RBFOX1: variants seen among roughly 807,000 people sequenced by gnomAD.
The protein encoded by RBFOX1 is RNA binding fox-1 homolog 1, also known as RNA binding protein fox-1 homolog 1.
Under a neutral mutation model 57.7 loss-of-function variants are expected in RBFOX1, and 8 were observed. The observed-to-expected ratio is 0.14, with a 90% CI of 0.08 to 0.25. The LOEUF (loss-of-function observed/expected upper bound fraction) is 0.25, where lower values mean the gene tolerates loss of function less well. Among genes scored for constraint, RBFOX1 ranks in the 10% least tolerant of loss-of-function variants. RBFOX1 has a pLI of 1.00. For synonymous variants in RBFOX1, 326 were observed against 222.4 expected (o/e 1.47, Z -4.15); for missense variants, 611 against 548.5 (o/e 1.11, Z -1.14).
chr16:5,376,248 C>T (rs1235133325), intron 1 of RBFOX1, among the ~76,000 whole-genome samples: 2 of 151,982 alleles, frequency 1.3e-5, no homozygotes, highest in Non-Finnish European at 2.9e-5. Flanking sequence ...GGAGCCCAGA[C>T]GGTGCATTCT....
chr16:7,556,116 T>C (rs2152596576), intron 5 of RBFOX1, among the ~76,000 whole-genome samples: 1 of 152,370 alleles, frequency 6.6e-6, no homozygotes, highest in East Asian at 1.9e-4. Flanking sequence ...GTAAACACTC[T>C]AAATTTTCTA....
intron 3 of RBFOX1, among the ~76,000 whole-genome samples, chr16:5,816,832 T>C (rs2055658900): frequency 6.6e-6 from 1 of 152,190 alleles, no homozygotes; most frequent in Admixed American, 6.5e-5. Context: ...GATGCTATTC[T>C]GTCCTCTCTG....
intron 1 of RBFOX1, among the ~76,000 whole-genome samples, chr16:5,424,434 G>A (rs761090027): frequency 6.6e-6 from 1 of 151,984 alleles, no homozygotes; most frequent in Admixed American, 6.5e-5. Flanking sequence ...CCGTTAGTCT[G>A]TAAAATGGAC....
At position 6,295,639 on chromosome 16, in the gene RBFOX1, G is replaced by C. The variant is rs570218855; in HGVS notation, c.-126-21356G>C. Among the ~76,000 whole-genome samples, 6 of 152,286 alleles carry C rather than the reference G, an allele frequency of 3.9e-5. No individual in the cohort carries two copies. In the South Asian group the frequency reaches 1.2e-3, roughly 32 times the overall value. On this transcript the variant is annotated intron_variant, in intron 1 of 15. Transcript: ENST00000550418. ...CAGAGCGCTGTCTGTGTTTATGAGC[G>C]GTCTCATTTCACACATGTCCAATGA...
At chr16:7,430,336 T>A (rs1318853259) in intron 4 of RBFOX1, among the ~76,000 whole-genome samples, 1 of 152,176 alleles carries the variant, frequency 6.6e-6, no homozygotes, top group Non-Finnish European at 1.5e-5. Flanking sequence ...CTGATAATAT[T>A]TTGAAACAAC....
intron 1 of RBFOX1, among the ~76,000 whole-genome samples, chr16:6,315,414 A>C (rs1268094673): frequency 7.1e-6 from 1 of 140,208 alleles, no homozygotes; most frequent in Non-Finnish European, 1.6e-5. Flanking sequence ...CTATGGGTGG[A>C]TAGGTGAGGG....
In RBFOX1 at chr16:7,124,685, C is replaced by G. The variant is rs548021375; in HGVS notation, c.27+72587C>G. ...CTAAAAACGTGAACCTCACAATACT[C>G]GAAAATCTCCCCACATACACAAAAA... On this transcript the variant is annotated intron_variant, in intron 4 of 15. Transcript: ENST00000550418. Among the ~76,000 whole-genome samples, 10 of 151,634 alleles carry G rather than the reference C, an allele frequency of 6.6e-5. No individual in the cohort carries two copies. In the South Asian group the frequency reaches 1.7e-3, roughly 25 times the overall value.
At chr16:6,723,215 A>G (rs2066397464) in intron 3 of RBFOX1, among the ~76,000 whole-genome samples, 2 of 152,198 alleles carry the variant, frequency 1.3e-5, no homozygotes, top group Non-Finnish European at 2.9e-5. Flanking sequence ...TGGGGTTTAC[A>G]TTGTGGCTTT....
chr16:6,038,554 T>C (rs1388251925), intron 1 of RBFOX1: 1 of 126,752 alleles, frequency 7.9e-6, no homozygotes, highest in Non-Finnish European at 1.7e-5. Context: ...ATATATATCA[T>C]CCATATATAT....
At chr16:6,131,786 TC>T (rs777744641) in intron 1 of RBFOX1, among the ~76,000 whole-genome samples, 1 of 152,198 alleles carries the variant, frequency 6.6e-6, no homozygotes, top group Non-Finnish European at 1.5e-5. Flanking sequence ...TATGTAATCA[TC>T]CTTCATAAAT....
chr16:7,462,988 C>A (rs895314101), intron 4 of RBFOX1, among the ~76,000 whole-genome samples: 1 of 152,154 alleles, frequency 6.6e-6, no homozygotes, highest in Non-Finnish European at 1.5e-5. Flanking sequence ...CTGCAAAGTC[C>A]TTGTCTTAGC....
chr16:6,794,683 T>C (rs1232766493), intron 3 of RBFOX1, among the ~76,000 whole-genome samples: 2 of 152,182 alleles, frequency 1.3e-5, no homozygotes, highest in African/African-American at 2.4e-5. Context: ...ATGGTTCCAA[T>C]GTATGCATCC....
At chr16:7,637,835 G>C (rs942647369) in intron 11 of RBFOX1, among the ~76,000 whole-genome samples, 1 of 152,194 alleles carries the variant, frequency 6.6e-6, no homozygotes, top group Non-Finnish European at 1.5e-5. Flanking sequence ...AAGATTAAAG[G>C]GGTATCCAAA....
intron 3 of RBFOX1, among the ~76,000 whole-genome samples, chr16:6,711,004 T>C (rs956898959): frequency 1.3e-5 from 2 of 152,148 alleles, no homozygotes; most frequent in African/African-American, 4.8e-5. Flanking sequence ...AAATGGCACA[T>C]ACCCATTGCA....
At chr16:6,547,140 G>C (rs2096907814) in intron 2 of RBFOX1, among the ~76,000 whole-genome samples, 1 of 152,172 alleles carries the variant, frequency 6.6e-6, no homozygotes, top group African/African-American at 2.4e-5. Flanking sequence ...CTTTTACTAA[G>C]ATGCAAGCCA....
At chr16:7,087,804 C>T (rs1326089725) in intron 4 of RBFOX1, among the ~76,000 whole-genome samples, 1 of 152,154 alleles carries the variant, frequency 6.6e-6, no homozygotes, top group Non-Finnish European at 1.5e-5. Flanking sequence ...AGTAAGGAGA[C>T]TTCTGTTTGC....
chr16:6,850,675 G>T (rs1041972613), intron 3 of RBFOX1, among the ~76,000 whole-genome samples: 6 of 151,972 alleles, frequency 3.9e-5, no homozygotes, highest in African/African-American at 1.5e-4. Context: ...TTTAACTTCC[G>T]TTACATATAG....
At chr16:5,562,936 A>T (rs968949563) in intron 2 of RBFOX1, among the ~76,000 whole-genome samples, 1 of 152,102 alleles carries the variant, frequency 6.6e-6, no homozygotes, top group East Asian at 1.9e-4. Context: ...ATCCCAAACT[A>T]TGTAAAATAG....
chr16:6,874,157 G>A (rs902514541), intron 3 of RBFOX1, among the ~76,000 whole-genome samples: 7 of 136,930 alleles, frequency 5.1e-5, no homozygotes, highest in Non-Finnish European at 7.6e-5. Flanking sequence ...GTGAATAAGT[G>A]GATAAAGAAA....
Sources: allele counts gnomAD v4.1 joint callset (sites outside exome capture counted in the v4.1 genomes callset), GRCh38; gene constraint gnomAD v4.1.1; transcripts MANE v1.5; gene names NCBI Gene and HGNC (gene_info 2026-07-23, HGNC 2026-07-21).